KIF1B: variants seen among roughly 807,000 people sequenced by gnomAD.
KIF1B encodes kinesin-like protein KIF1B.
In KIF1B, 76 loss-of-function variants were observed where a neutral mutation model predicts 241.9. The ratio of observed to expected loss-of-function variants is 0.31; its 90% CI spans 0.26 to 0.38. The LOEUF is 0.38. Among genes scored for constraint, KIF1B ranks in the 10% least tolerant of loss-of-function variants. KIF1B has a pLI of 1.00. For missense variants in KIF1B, 1,622 were observed against 2,271.4 expected, an observed-to-expected ratio of 0.71 and a Z score of 5.81; for synonymous variants, 750 against 796.7, an observed-to-expected ratio of 0.94 and a Z score of 0.99.
chr1:10,367,648 C>T (rs1044204303), intron 43 of KIF1B, among the ~76,000 whole-genome samples: 2 of 151,680 alleles, frequency 1.3e-5, no homozygotes, highest in Admixed American at 1.3e-4. Context: ...GGTTCTTCTG[C>T]CTTAGCCTCC....
At chr1:10,347,928 A>C in intron 36 of KIF1B, 101 bp downstream of exon 36, 29 of 1,057,884 alleles carry the variant, frequency 2.7e-5, no homozygotes, top group East Asian at 1.5e-4. Flanking sequence ...TCTCTATTTC[A>C]GAGGGTGGGC....
chr1:10,260,374 G>A (rs1648061678), intron 4 of KIF1B, among the ~76,000 whole-genome samples: 1 of 152,228 alleles, frequency 6.6e-6, no homozygotes, highest in African/African-American at 2.4e-5. Context: ...CAAGTGGTGA[G>A]TAAATGTGAA....
chr1:10,214,156 G>C (rs966369626), intron 1 of KIF1B, among the ~76,000 whole-genome samples: 23 of 152,184 alleles, frequency 1.5e-4, no homozygotes, highest in African/African-American at 5.3e-4. Flanking sequence ...TCTCAGAGTT[G>C]AACTGTTTGG....
At position 10,376,819 on chromosome 1, in the gene KIF1B, GA is replaced by G; in HGVS notation, c.*238del. ...TTAGTAGCATGTGGCCTAACAAAAG[GA>G]AAAAATGTTTTTAAACACACACACA... On this transcript the variant is annotated 3_prime_UTR_variant, in exon 49 of 49. Coordinates refer to ENST00000676179, the MANE Select transcript of KIF1B (RefSeq NM_001365951.3). 1 of 496,152 alleles carries G rather than the reference GA, an allele frequency of 2.0e-6. No homozygotes were observed. Among genetic ancestry groups the G allele is most frequent in the Non-Finnish European group, 3.7e-6 (1 of 270,162 alleles). The allele number at this position is 496,152 out of a possible 1,614,324, so 30.7% of individuals were successfully genotyped here. A position where few individuals can be genotyped will look rare whatever the true frequency, so the allele number is the denominator to read the frequency against.
At position 10,303,461 on chromosome 1, in the gene KIF1B, T is replaced by C; in HGVS notation, c.2115+6215T>C. 1 of 1,614,212 alleles carries C rather than the reference T, an allele frequency of 6.2e-7. No individual in the cohort carries two copies. Among genetic ancestry groups the C allele is most frequent in the Non-Finnish European group, 8.5e-7 (1 of 1,180,038 alleles). ...GACTTCAGGCACAGTCGGCAGGAGA[T>C]TGAAGCCCTGGCCATTGTCAAGATG... On this transcript the variant is annotated intron_variant, in intron 22 of 48. Coordinates refer to ENST00000676179, the MANE Select transcript of KIF1B (RefSeq NM_001365951.3). This position sits in a 1 kb window ranked among gnomAD's most constrained non-coding sequence, Gnocchi z 5.2.
chr1:10,254,729 T>C (rs992308822), intron 2 of KIF1B, among the ~76,000 whole-genome samples: 7 of 151,538 alleles, frequency 4.6e-5, no homozygotes, highest in Non-Finnish European at 7.4e-5. Flanking sequence ...ACAAAAAAAT[T>C]AGCTGGGCGT....
At chr1:10,252,386 T>TTTG (rs70997214) in intron 2 of KIF1B, among the ~76,000 whole-genome samples, 6,410 of 149,886 alleles carry the variant, frequency 0.043, 168 homozygotes, top group Middle Eastern at 0.16. Context: ...TTGTGGGGTT[T>TTTG]TTGTTGTTGT....
At chr1:10,352,608 GT>G (rs769771446) in intron 37 of KIF1B, 22 bp from the exon 38 acceptor site, 10 of 1,584,522 alleles carry the variant, frequency 6.3e-6, no homozygotes, top group South Asian at 1.1e-5. Flanking sequence ...TCCGTGCTCT[GT>G]TTTTTTTATC....
chr1:10,304,399 T>C, intron 22 of KIF1B: 1 of 1,613,680 alleles, frequency 6.2e-7, no homozygotes. Context: ...CTCCGCGGAG[T>C]CATTAAACTC....
At chr1:10,368,339 G>A (rs1638632739) in intron 43 of KIF1B, 128 bp from the exon 44 acceptor site, 6 of 740,272 alleles carry the variant, frequency 8.1e-6, no homozygotes, top group Admixed American at 5.7e-5. Context: ...ATAGGGAGAG[G>A]AGATGTGGAG....
intron 37 of KIF1B, among the ~76,000 whole-genome samples, chr1:10,352,056 C>G (rs1413496265): frequency 1.4e-5 from 2 of 142,156 alleles, no homozygotes; most frequent in Non-Finnish European, 3.0e-5. Context: ...TGGATTGGAA[C>G]GGGGAGGTGT....
At chr1:10,295,479 A>G (rs1650215829) in intron 18 of KIF1B, among the ~76,000 whole-genome samples, 181 bp from the exon 19 acceptor site, 1 of 152,066 alleles carries the variant, frequency 6.6e-6, no homozygotes. Context: ...CTTGTTTCTT[A>G]TTCTGATGTA....
At chr1:10,273,709 C>CA (rs56349613) in intron 10 of KIF1B, among the ~76,000 whole-genome samples, 1,248 of 49,572 alleles carry the variant, frequency 0.025, 65 homozygotes, top group Middle Eastern at 0.045. Flanking sequence ...TCCTCCTCCT[C>CA]AAAAAAAAAA....
rs148793575 is a variant in KIF1B at position 10,360,794 on chromosome 1, G to GT, written c.4056-133dup. On this transcript the variant is annotated intron_variant, in intron 38 of 48. Coordinates refer to ENST00000676179, the MANE Select transcript of KIF1B (RefSeq NM_001365951.3). ...TCCTAGGAGATAAGGGTTCCTCTCT[G>GT]TTATTAGAGTTTGATAAACTGAAAG... The GT allele has an allele frequency of 8.8e-3, 6,380 of 725,180 alleles. 68 individuals are homozygous for GT. The highest frequency in any genetic ancestry group is 0.018 in the South Asian group (1,256 of 67,942). The allele number at this position is 725,180 out of a possible 1,614,324, so 44.9% of individuals were successfully genotyped here.
rs549435425 is a variant in KIF1B at position 10,334,589 on chromosome 1, G to A, written c.2994G>A (p.Glu998=). Residue 998 remains glutamate, a synonymous_variant, in exon 28 of 49, where the codon GAG becomes GAA. Coordinates refer to ENST00000676179, the MANE Select transcript of KIF1B (RefSeq NM_001365951.3). ...TCCACAGGGTGGCCATCGTCAGTGA[G>A]AAAGGTGAAGTGCGGGGATTTCTGC... The part of the protein sequence containing the change: ...PLIHRVAIVS[E]KGEVRGFLRV... 6.2e-7 allele frequency: 1 copy of A among 1,614,128 alleles called. No homozygotes were observed. The highest frequency in any genetic ancestry group is 1.1e-5 in the South Asian group (1 of 91,068).
At chr1:10,333,114 T>G (rs1652018656) in intron 27 of KIF1B, among the ~76,000 whole-genome samples, 1 of 149,852 alleles carries the variant, frequency 6.7e-6, no homozygotes, top group South Asian at 2.2e-4. Context: ...TCCCAGCCAA[T>G]AATAGTTATT....
At chr1:10,347,531 G>A (rs948230184) in intron 35 of KIF1B, among the ~76,000 whole-genome samples, 4 of 152,170 alleles carry the variant, frequency 2.6e-5, no homozygotes, top group Non-Finnish European at 4.4e-5. Flanking sequence ...TTAATATCAA[G>A]GGGCTGGATG....
chr1:10,216,709 C>G (rs1319705541), intron 1 of KIF1B, among the ~76,000 whole-genome samples: 3 of 152,098 alleles, frequency 2.0e-5, no homozygotes, highest in African/African-American at 7.2e-5. Context: ...CCCCTTGACT[C>G]AAACCTGTCA....
chr1:10,370,870 G>A (rs959507098), intron 44 of KIF1B, among the ~76,000 whole-genome samples: 5 of 152,108 alleles, frequency 3.3e-5, no homozygotes, highest in African/African-American at 9.7e-5. Flanking sequence ...CCAGGGCACA[G>A]GAGGATCGCT....
Sources: allele counts gnomAD v4.1 joint callset (sites outside exome capture counted in the v4.1 genomes callset), GRCh38; gene constraint gnomAD v4.1.1; non-coding constraint Gnocchi (gnomAD v3.1); transcripts MANE v1.5; gene names NCBI Gene and HGNC (gene_info 2026-07-23, HGNC 2026-07-21).